AMD1: variants seen among roughly 807,000 people sequenced by gnomAD.
AMD1 encodes the protein S-adenosylmethionine decarboxylase proenzyme.
A neutral mutation model predicts 40.2 loss-of-function variants in AMD1; 11 were observed. The observed-to-expected ratio is 0.27, with a 90% CI of 0.17 to 0.45. The LOEUF (loss-of-function observed/expected upper bound fraction) is 0.45, where lower values mean the gene tolerates loss of function less well. AMD1 is among the 20% of genes least tolerant of loss of function. AMD1 has a pLI of 1.00. For missense variants in AMD1, 257 were observed against 410.2 expected, an observed-to-expected ratio of 0.63 and a Z score of 3.23; for synonymous variants, 121 against 130.8, an observed-to-expected ratio of 0.93 and a Z score of 0.51.
chr6:110,833,957 A>T, the AMD1 span, among the ~76,000 whole-genome samples: 1 of 152,188 alleles, frequency 6.6e-6, no homozygotes, highest in Non-Finnish European at 1.5e-5. Context: ...GTATGAGGAA[A>T]AACAATTTTT....
At chr6:110,868,434 C>T in the AMD1 span, among the ~76,000 whole-genome samples, 2 of 152,074 alleles carry the variant, frequency 1.3e-5, no homozygotes, top group African/African-American at 4.8e-5. Context: ...CAGGCGTGAG[C>T]CACCGGGCCC....
rs1039094590 is a variant in AMD1 at position 110,874,824 on chromosome 6, T to C, written c.-282T>C. 2 of 354,078 alleles carry C rather than the reference T, an allele frequency of 5.6e-6. No individual in the cohort carries two copies. Among genetic ancestry groups the C allele is most frequent in the Non-Finnish European group, 1.0e-5 (2 of 192,002 alleles). The allele number at this position is 354,078 out of a possible 1,614,324, so 21.9% of individuals were successfully genotyped here. A position where few individuals can be genotyped will look rare whatever the true frequency, so the allele number is the denominator to read the frequency against. ...GCCGGCGACATTAGCTAGCGCTCGC[T>C]CTACTCTCTCTAACGGGAAAGCAGC... On this transcript the variant is annotated 5_prime_UTR_variant, in exon 1 of 9. Transcript: ENST00000368885.
chr6:110,843,988 T>G, the AMD1 span, among the ~76,000 whole-genome samples: 3 of 152,204 alleles, frequency 2.0e-5, no homozygotes, highest in African/African-American at 7.2e-5. Context: ...TAGTTCCATC[T>G]GCAATCTAAA....
At chr6:110,854,070 G>C in the AMD1 span, among the ~76,000 whole-genome samples, 230 of 152,264 alleles carry the variant, frequency 1.5e-3, no homozygotes, top group African/African-American at 5.2e-3. Flanking sequence ...AATTTTCAAA[G>C]CCTGTAGATG....
the AMD1 span, chr6:110,815,489 GAGGCTCCTGGGAAATGAAGTCGCGA>G: frequency 1.1e-5 from 2 of 181,044 alleles, no homozygotes; most frequent in African/African-American, 2.4e-5. Context: ...CATGGTCGCG[GAGGCTCCTGGGAAATGAAGTCGCGA>G]AGGCCTCAGC....
At chr6:110,862,334 T>G in the AMD1 span, among the ~76,000 whole-genome samples, 1 of 151,364 alleles carries the variant, frequency 6.6e-6, no homozygotes, top group Non-Finnish European at 1.5e-5. Context: ...TGTTCTGTTT[T>G]TTTTTTTTTT....
the AMD1 span, among the ~76,000 whole-genome samples, chr6:110,818,895 G>A: frequency 6.6e-6 from 1 of 152,158 alleles, no homozygotes; most frequent in Non-Finnish European, 1.5e-5. Flanking sequence ...TCAAATGAAA[G>A]TTTTTTTCTT....
the AMD1 span, among the ~76,000 whole-genome samples, chr6:110,857,730 G>GTA: frequency 4.7e-3 from 634 of 135,694 alleles, 2 homozygotes; most frequent in African/African-American, 8.1e-3. Flanking sequence ...TAGATGGTGT[G>GTA]TATATATATA....
the AMD1 span, among the ~76,000 whole-genome samples, chr6:110,837,887 G>GC: frequency 6.8e-6 from 1 of 146,094 alleles, no homozygotes; most frequent in African/African-American, 2.5e-5. Context: ...ACAAGGTGAA[G>GC]CCCCGTCTCT....
the AMD1 span, chr6:110,815,107 C>T: frequency 6.2e-7 from 1 of 1,602,202 alleles, no homozygotes; most frequent in South Asian, 1.1e-5. Context: ...CCCGCTCCGC[C>T]GCCAGCTTCG....
At chr6:110,859,019 G>C in the AMD1 span, 2 of 1,207,384 alleles carry the variant, frequency 1.7e-6, no homozygotes, top group East Asian at 2.3e-5. Context: ...TCTTTGGCCT[G>C]GGCCGGCAGA....
At chr6:110,815,231 C>G in the AMD1 span, 1 of 1,334,814 alleles carries the variant, frequency 7.5e-7, no homozygotes, top group African/African-American at 1.5e-5. Flanking sequence ...ACTTCTCCAA[C>G]AGCCGCCTCT....
intron 4 of AMD1, chr6:110,891,649 A>G (rs1786020904): frequency 6.1e-6 from 1 of 162,760 alleles, no homozygotes; most frequent in South Asian, 1.6e-4. Flanking sequence ...AAACCAGGCT[A>G]ATCAGAGTGT....
At chr6:110,838,160 G>A in the AMD1 span, among the ~76,000 whole-genome samples, 10 of 151,624 alleles carry the variant, frequency 6.6e-5, no homozygotes, top group South Asian at 6.2e-4. Context: ...AGGCCGAGGC[G>A]GGTGGATTAC....
intron 1 of AMD1, among the ~76,000 whole-genome samples, chr6:110,877,130 A>G (rs1419518230): frequency 1.3e-5 from 2 of 152,238 alleles, no homozygotes; most frequent in Non-Finnish European, 2.9e-5. Flanking sequence ...ATCATGGCCA[A>G]AGTTAAACTT....
the AMD1 span, among the ~76,000 whole-genome samples, chr6:110,840,890 T>C: frequency 6.6e-6 from 1 of 152,296 alleles, no homozygotes; most frequent in African/African-American, 2.4e-5. Flanking sequence ...ATGGGAGTTA[T>C]GAACCAGGGA....
Position 110,893,015 on chromosome 6 carries a change from G to T in AMD1, c.814G>T (p.Val272Leu), listed in dbSNP as rs1278032401. 1 of 1,613,466 alleles carries T rather than the reference G, an allele frequency of 6.2e-7. No homozygotes were observed. Among genetic ancestry groups the T allele is most frequent in the Non-Finnish European group, 8.5e-7 (1 of 1,179,792 alleles). ...TSYDDLIRKV[V>L]EVFKPGKFVT... ...CTATGATGACCTGATCAGGAAAGTT[G>T]TAGAAGTCTTCAAGCCAGGAAAATT... Residue 272 changes from valine to leucine, a missense_variant, in exon 8 of 9, where the codon GTA becomes TTA. Val to Leu is a conservative substitution (Grantham distance 32, BLOSUM62 1). This residue lies in a region of AMD1 where 192 missense variants were observed against 296.5 expected (regional missense o/e 0.65). Coordinates refer to ENST00000368885, the MANE Select transcript of AMD1 (RefSeq NM_001634.6).
the AMD1 span, among the ~76,000 whole-genome samples, chr6:110,862,470 ATTT>A: frequency 1.7e-5 from 2 of 119,958 alleles, no homozygotes. Flanking sequence ...CTATTTACTT[ATTT>A]TTTTTTTTTT....
the AMD1 span, among the ~76,000 whole-genome samples, chr6:110,828,639 G>A: frequency 6.6e-6 from 1 of 152,138 alleles, no homozygotes; most frequent in African/African-American, 2.4e-5. Context: ...GCAAAATTAT[G>A]ACTATATTTA....
Sources: gnomAD v4.1 joint callset for allele counts (sites outside exome capture counted in the v4.1 genomes callset) on GRCh38, gnomAD v4.1.1 for gene constraint, gnomAD v4.1.1 regional missense constraint, MANE v1.5 for transcripts, NCBI Gene and HGNC (gene_info 2026-07-23, HGNC 2026-07-21) for gene names.